Variants in PTPN4 observed in about 807,000 individuals in gnomAD.
PTPN4 encodes tyrosine-protein phosphatase non-receptor type 4.
PTPN4 carries 49 observed loss-of-function variants against 135.5 expected under a neutral mutation model. The observed-to-expected ratio is 0.36, with a 90% CI of 0.29 to 0.46. The LOEUF (loss-of-function observed/expected upper bound fraction) is 0.46. Ranked by LOEUF, PTPN4 falls within the 20% of genes least tolerant of loss-of-function variation. The pLI is 1.00. For missense variants in PTPN4, 860 were observed against 1,101.0 expected (o/e 0.78, Z 3.10); for synonymous variants, 333 against 369.9 (o/e 0.90, Z 1.14).
intron 25 of PTPN4, 82 bp downstream of exon 25, chr2:119,965,727 G>A: frequency 6.9e-7 from 1 of 1,456,492 alleles, no homozygotes. Flanking sequence ...TTGTCCTTAT[G>A]GTGTTATTGT....
chr2:119,873,964 A>G (rs553236579), intron 3 of PTPN4, among the ~76,000 whole-genome samples: 3 of 152,304 alleles, frequency 2.0e-5, no homozygotes, highest in Non-Finnish European at 1.5e-5. Context: ...TATATATTGA[A>G]GAGACTTGAA....
intron 2 of PTPN4, among the ~76,000 whole-genome samples, chr2:119,818,342 T>G (rs1677018472): frequency 6.6e-6 from 1 of 152,272 alleles, no homozygotes; most frequent in Non-Finnish European, 1.5e-5. Flanking sequence ...CGTTGTATAT[T>G]GAACATAGTG....
intron 18 of PTPN4, among the ~76,000 whole-genome samples, chr2:119,949,736 C>T (rs1310852180): frequency 6.6e-6 from 1 of 152,054 alleles, no homozygotes; most frequent in African/African-American, 2.4e-5. Flanking sequence ...CCAGCTACTC[C>T]AGTGGCTGAA....
chr2:119,898,013 C>T (rs1409491489), intron 9 of PTPN4, among the ~76,000 whole-genome samples: 1 of 152,174 alleles, frequency 6.6e-6, no homozygotes, highest in African/African-American at 2.4e-5. Flanking sequence ...GATTTAGCTA[C>T]TTTTATAGCA....
intron 2 of PTPN4, among the ~76,000 whole-genome samples, chr2:119,837,650 G>C (rs1258638951): frequency 6.6e-6 from 1 of 152,256 alleles, no homozygotes; most frequent in Non-Finnish European, 1.5e-5. Context: ...GCAACGAGAA[G>C]GAGAGAAGAG....
chr2:119,844,285 C>G (rs1205318030), intron 2 of PTPN4, among the ~76,000 whole-genome samples: 1 of 139,698 alleles, frequency 7.2e-6, no homozygotes, highest in African/African-American at 2.7e-5. Flanking sequence ...GAGGGCTCAC[C>G]CCCCCACCTC....
intron 2 of PTPN4, among the ~76,000 whole-genome samples, chr2:119,857,306 G>A (rs1452936036): frequency 9.9e-5 from 15 of 152,072 alleles, no homozygotes; most frequent in Admixed American, 4.6e-4. Flanking sequence ...CAAGGCGGGC[G>A]GATTGCCTGA....
chr2:119,960,813 A>G lies in PTPN4; in HGVS notation c.2140A>G (p.Ile714Val), dbSNP rs1679354951. The change falls in exon 23 of 27, where the codon ATT (isoleucine) becomes GTT (valine). Residue 714 changes from isoleucine (I) to valine (V), a missense_variant. Coordinates refer to ENST00000263708, the MANE Select transcript of PTPN4 (RefSeq NM_002830.4). ...CATGCCCTTTTCTTTTTAGATGGAA[A>G]TTCCTTCTTCCAGCATTATAAATCA... ...YINANYINME[I>V]PSSSIINQYI... The G allele has an allele frequency of 6.2e-7, 1 of 1,605,440 alleles. No homozygotes were observed. Among genetic ancestry groups the G allele is most frequent in the Non-Finnish European group, 8.5e-7 (1 of 1,177,912 alleles).
intron 15 of PTPN4, among the ~76,000 whole-genome samples, chr2:119,940,713 G>A (rs1309105374): frequency 6.6e-6 from 1 of 151,904 alleles, no homozygotes; most frequent in African/African-American, 2.4e-5. Flanking sequence ...TCAATTTCTG[G>A]CACATTTGTA....
intron 11 of PTPN4, 151 bp from the exon 12 acceptor site, chr2:119,919,918 T>A: frequency 9.7e-7 from 1 of 1,026,618 alleles, no homozygotes; most frequent in Non-Finnish European, 1.3e-6. Flanking sequence ...GCAAAAAAGA[T>A]CCTAGATAAA....
chr2:119,955,440 A>G, intron 20 of PTPN4, 117 bp downstream of exon 20: 1 of 938,134 alleles, frequency 1.1e-6, no homozygotes, highest in Non-Finnish European at 1.4e-6. Flanking sequence ...ATATTCTGAG[A>G]AATGTTTGAC....
chr2:119,918,480 G>T (rs538092933), intron 11 of PTPN4, among the ~76,000 whole-genome samples: 11 of 152,310 alleles, frequency 7.2e-5, no homozygotes, highest in South Asian at 2.1e-4. Flanking sequence ...GAATTGAACA[G>T]ACACTTCACA....
intron 13 of PTPN4, among the ~76,000 whole-genome samples, chr2:119,926,875 G>A (rs539257090): frequency 1.1e-4 from 16 of 151,908 alleles, no homozygotes; most frequent in Non-Finnish European, 2.2e-4. Context: ...TATTAATAGT[G>A]TGCCAGGCAT....
chr2:119,775,822 TATCTA>T (rs1690825511), intron 1 of PTPN4, among the ~76,000 whole-genome samples: 1 of 151,810 alleles, frequency 6.6e-6, no homozygotes, highest in East Asian at 1.9e-4. Context: ...TCTATATCTA[TATCTA>T]TATCTATATC....
chr2:119,791,099 C>T (rs983140663), intron 1 of PTPN4: 18 of 150,192 alleles, frequency 1.2e-4, no homozygotes, highest in African/African-American at 4.2e-4. Context: ...GTATTTCTAC[C>T]GTTGTTTACA....
chr2:119,800,441 A>ATT (rs768402085), intron 1 of PTPN4, among the ~76,000 whole-genome samples: 2 of 123,272 alleles, frequency 1.6e-5, no homozygotes, highest in African/African-American at 2.9e-5. Flanking sequence ...GGATTATTTG[A>ATT]TTTTTTTTTT....
At chr2:119,840,453 G>A (rs916482535) in intron 2 of PTPN4, among the ~76,000 whole-genome samples, 16 of 152,184 alleles carry the variant, frequency 1.1e-4, no homozygotes, top group African/African-American at 3.9e-4. Flanking sequence ...ATTCCATGGT[G>A]CGTATGTACC....
intron 10 of PTPN4, among the ~76,000 whole-genome samples, chr2:119,913,017 A>G (rs902202536): frequency 3.9e-5 from 6 of 152,048 alleles, no homozygotes; most frequent in African/African-American, 1.4e-4. Flanking sequence ...GATTTTTTTC[A>G]TTCATTTTTG....
chr2:119,975,733 TG>T (rs1421304341), intron 26 of PTPN4, among the ~76,000 whole-genome samples: 5 of 151,886 alleles, frequency 3.3e-5, no homozygotes, highest in African/African-American at 1.2e-4. Flanking sequence ...TAAAAAAAAA[TG>T]TCCCTTCAAA....
Sources: gnomAD v4.1 joint callset for allele counts (sites outside exome capture counted in the v4.1 genomes callset) on GRCh38, gnomAD v4.1.1 for gene constraint, MANE v1.5 for transcripts, NCBI Gene and HGNC (gene_info 2026-07-23, HGNC 2026-07-21) for gene names.